ORM1: variants seen among roughly 807,000 people sequenced by gnomAD.
ORM1 encodes the protein orosomucoid 1, also known as alpha-1-acid glycoprotein 1.
Under a neutral mutation model 26.9 loss-of-function variants are expected in ORM1, and 13 were observed. That is an observed-to-expected ratio of 0.48 (90% CI 0.31 to 0.77). ORM1 has a LOEUF of 0.77. Ranked by LOEUF, ORM1 falls within the 30% of genes least tolerant of loss-of-function variation. The pLI is 0.04. For synonymous variants in ORM1, 76 were observed against 102.2 expected, an observed-to-expected ratio of 0.74 and a Z score of 1.55; for missense variants, 189 against 246.8, an observed-to-expected ratio of 0.77 and a Z score of 1.57.
intron 3 of ORM1, 55 bp from the exon 4 acceptor site, chr9:114,324,735 C>T: frequency 3.5e-6 from 5 of 1,421,426 alleles, no homozygotes; most frequent in Non-Finnish European, 4.9e-6. Context: ...ACCTGTAAGA[C>T]AGACACCATT....
At position 114,323,654 on chromosome 9, in the gene ORM1, T is replaced by C. The variant is rs1327155577; in HGVS notation, c.115-9T>C. The stretch of plus-strand genomic sequence containing the variant: ...AAGCCCCCATCACCAGCTCCCACCT[T>C]CTCCCCAGATCACTGGCAAGTGGTT... On this transcript the variant is annotated splice_polypyrimidine_tract_variant and intron_variant, in intron 1 of 5. Coordinates refer to ENST00000259396, the MANE Select transcript of ORM1 (RefSeq NM_000607.4). 1.9e-5 allele frequency: 30 copies of C among 1,613,998 alleles called. 1 individual carries two copies. The South Asian group carries it at 3.0e-4, about 16-fold the overall frequency.
chr9:114,326,074 A>G lies in ORM1; in HGVS notation c.541-218A>G, dbSNP rs2787340. ...ACAGTAAATGCCAGTGATTCTTAAG[A>G]GTCTGAGCTCCCATTGTAGAGGCAA... On this transcript the variant is annotated intron_variant, in intron 5 of 5. Transcript: ENST00000259396. 5.9e-3 allele frequency among the ~76,000 whole-genome samples: 871 copies of G among 146,848 alleles called. 30 individuals carry two copies. In the East Asian group the frequency reaches 0.067, roughly 11 times the overall value.
chr9:114,326,107 G>A (rs1829765084), intron 5 of ORM1, among the ~76,000 whole-genome samples, 185 bp from the exon 6 acceptor site: 1 of 150,418 alleles, frequency 6.6e-6, no homozygotes, highest in Non-Finnish European at 1.5e-5. Context: ...CAAGTAAGCT[G>A]AGGTTCAGAG....
rs1307728293 is a variant in ORM1 at position 114,326,306 on chromosome 9, A to C, written c.555A>C (p.Pro185=). The change falls in exon 6 of 6, where the codon CCA becomes CCC. Residue 185 remains proline, a synonymous_variant. Transcript: ENST00000259396. Reference sequence around the variant, plus strand: ...CTGCCTTCTAGGATAAGTGTGAGCCACTGGAGAAGCAGCACGAGAAGGAGA... The same window carrying C: ...CTGCCTTCTAGGATAAGTGTGAGCCCCTGGAGAAGCAGCACGAGAAGGAGA... The part of the protein sequence containing the change: ...YTDWKKDKCE[P]LEKQHEKERK... The C allele has an allele frequency of 6.4e-7, 1 of 1,568,532 alleles. No homozygotes were observed. Among genetic ancestry groups the C allele is most frequent in the Admixed American group, 1.9e-5 (1 of 52,778 alleles).
intron 5 of ORM1, 111 bp from the exon 6 acceptor site, chr9:114,326,181 G>A: frequency 1.3e-6 from 2 of 1,525,262 alleles, no homozygotes; most frequent in Non-Finnish European, 1.8e-6. Context: ...TGGAGCCCTG[G>A]TTGAGCTGGT....
chr9:114,324,511 T>G (rs970214171), intron 3 of ORM1, among the ~76,000 whole-genome samples: 1 of 152,158 alleles, frequency 6.6e-6, no homozygotes, highest in Non-Finnish European at 1.5e-5. Flanking sequence ...CCATTTAGCA[T>G]CCCGAGCCTC....
intron 3 of ORM1, among the ~76,000 whole-genome samples, chr9:114,324,582 G>A (rs979314700): frequency 4.6e-5 from 7 of 152,198 alleles, no homozygotes; most frequent in Non-Finnish European, 8.8e-5. Flanking sequence ...GCCACGGTCT[G>A]TGTGAGGCTC....
At chr9:114,324,675 T>C (rs1377064257) in intron 3 of ORM1, 115 bp from the exon 4 acceptor site, 36 of 863,654 alleles carry the variant, frequency 4.2e-5, no homozygotes, top group Admixed American at 1.5e-4. Context: ...AAAGGAGCCC[T>C]GGGCCTTCAC....
chr9:114,324,391 T>G (rs1370924919), intron 3 of ORM1, among the ~76,000 whole-genome samples: 1 of 152,028 alleles, frequency 6.6e-6, no homozygotes. Context: ...TTAAGATCCT[T>G]TGCAAACCAA....
Position 114,326,265 on chromosome 9 carries a change from T to A in ORM1, c.541-27T>A, listed in dbSNP as rs1301567592. On this transcript the variant is annotated intron_variant, in intron 5 of 5. Transcript: ENST00000259396. ...CTGTCCCCATGCCTCTGCTTCTCCC[T>A]CACCCCAATTCCCCGCTGCCTTCTA... The A allele has an allele frequency of 1.9e-5, 30 of 1,585,568 alleles. 1 individual carries two copies. The highest frequency in any genetic ancestry group is 2.4e-5 in the Non-Finnish European group (28 of 1,168,048).
chr9:114,326,223 C>T (rs1408760182), intron 5 of ORM1, 69 bp from the exon 6 acceptor site: 1 of 1,595,812 alleles, frequency 6.3e-7, no homozygotes, highest in Non-Finnish European at 8.5e-7. Flanking sequence ...TGCCCTCTCC[C>T]TGGAAGACCT....
At position 114,324,099 on chromosome 9, in the gene ORM1, G is replaced by A. The variant is rs1379244097; in HGVS notation, c.328+11G>A. The A allele has an allele frequency of 6.2e-7, 1 of 1,613,518 alleles. No homozygotes were observed. Among genetic ancestry groups the A allele is most frequent in the Non-Finnish European group, 8.5e-7 (1 of 1,179,476 alleles). Reference sequence around the variant, plus strand: ...CCATCTCCAGATACGGTGAGGGCCAGCCCTCAGGCAGGAGGGTTCACTGTG... The same window carrying A: ...CCATCTCCAGATACGGTGAGGGCCAACCCTCAGGCAGGAGGGTTCACTGTG... On this transcript the variant is annotated intron_variant, in intron 3 of 5. Transcript: ENST00000259396.
In ORM1 at chr9:114,324,737, G is replaced by C. The variant is rs1022079506; in HGVS notation, c.329-53G>C. On this transcript the variant is annotated intron_variant, in intron 3 of 5. Transcript: ENST00000259396. ...CCTAGGCCTCCTCACCTGTAAGACA[G>C]ACACCATTGTGCCATCCCATGTTCT... 26 of 1,433,982 alleles carry C rather than the reference G, an allele frequency of 1.8e-5. 1 individual carries two copies. The highest frequency in any genetic ancestry group is 3.5e-4 in the Middle Eastern group (2 of 5,700). The allele number at this position is 1,433,982 out of a possible 1,614,324, so 88.8% of individuals were successfully genotyped here.
chr9:114,323,562 C>G (rs1198144439), intron 1 of ORM1, 101 bp from the exon 2 acceptor site: 1 of 1,543,190 alleles, frequency 6.5e-7, no homozygotes, highest in Non-Finnish European at 8.9e-7. Flanking sequence ...CCTCATCTCC[C>G]CATCTGCAAA....
At chr9:114,326,221 C>T (rs1829766345) in intron 5 of ORM1, 71 bp from the exon 6 acceptor site, 2 of 1,595,702 alleles carry the variant, frequency 1.3e-6, no homozygotes, top group Non-Finnish European at 1.7e-6. Context: ...TCTGCCCTCT[C>T]CCTGGAAGAC....
At chr9:114,326,033 G>A (rs190378866) in intron 5 of ORM1, among the ~76,000 whole-genome samples, 14 of 146,130 alleles carry the variant, frequency 9.6e-5, no homozygotes, top group East Asian at 7.7e-4. Flanking sequence ...ATAAGGGCTC[G>A]GCAGGTCCTA....
In ORM1 at chr9:114,325,110, G is replaced by A. The variant is rs768348249; in HGVS notation, c.498G>A (p.Leu166=). 7.4e-6 allele frequency: 12 copies of A among 1,613,902 alleles called. No individual in the cohort carries two copies. The highest frequency in any genetic ancestry group is 9.3e-6 in the Non-Finnish European group (11 of 1,179,886). Residue 166 remains leucine (L), a synonymous_variant, in exon 5 of 6, where the codon TTG becomes TTA. Transcript: ENST00000259396. ...AGTTCTACGAAGCTCTCGACTGCTT[G>A]CGCATTCCCAAGTCAGATGTCGTGT... ...LGEFYEALDC[L]RIPKSDVVYT... is the part of the protein sequence containing the mutation.
chr9:114,325,444 G>C (rs187526479), intron 5 of ORM1, among the ~76,000 whole-genome samples: 6,629 of 151,328 alleles, frequency 0.044, 517 homozygotes, highest in African/African-American at 0.15. Context: ...GACGTAATGC[G>C]GGGAGTTACC....
At chr9:114,325,499 C>T (rs1018262241) in intron 5 of ORM1, among the ~76,000 whole-genome samples, 1 of 151,612 alleles carries the variant, frequency 6.6e-6, no homozygotes, top group Admixed American at 6.6e-5. Context: ...CCCACCTCCA[C>T]TCCCCACTCA....
Sources: gnomAD v4.1 joint callset for allele counts (sites outside exome capture counted in the v4.1 genomes callset) on GRCh38, gnomAD v4.1.1 for gene constraint, MANE v1.5 for transcripts, NCBI Gene and HGNC (gene_info 2026-07-23, HGNC 2026-07-21) for gene names.